AP1B1: variants seen among roughly 807,000 people sequenced by gnomAD.
The protein encoded by AP1B1 is AP-1 complex subunit beta-1.
In AP1B1, 36 loss-of-function variants were observed where a neutral mutation model predicts 104.3. The ratio of observed to expected loss-of-function variants is 0.35; its 90% CI spans 0.26 to 0.46. The LOEUF is 0.46. AP1B1 is among the 20% of genes least tolerant of loss of function. The probability of loss-of-function intolerance (pLI) is 1.00; values close to 1 mark genes in which losing one functional copy is unlikely to be tolerated. For missense variants in AP1B1, 901 were observed against 1,247.9 expected, an observed-to-expected ratio of 0.72 and a Z score of 4.19; for synonymous variants, 504 against 517.5, an observed-to-expected ratio of 0.97 and a Z score of 0.35.
At chr22:29,333,518 T>C (rs2061592529) in intron 17 of AP1B1, among the ~76,000 whole-genome samples, 1 of 151,932 alleles carries the variant, frequency 6.6e-6, no homozygotes, top group Non-Finnish European at 1.5e-5. Flanking sequence ...GAGCAGGGCG[T>C]TTCTGTCTGT....
rs185310273 is a variant in AP1B1 at position 29,363,723 on chromosome 22, G to A, written c.38-617C>T. Reference sequence around the variant, plus strand: ...AGCCTGGGTAACATAGTGAGACCTCGTTTCTACAAAATAATTTTTTTTAAT... The same window carrying A: ...AGCCTGGGTAACATAGTGAGACCTCATTTCTACAAAATAATTTTTTTTAAT... On this transcript the variant is annotated intron_variant, in intron 2 of 22. Coordinates refer to ENST00000357586, the MANE Select transcript of AP1B1 (RefSeq NM_001127.4). Among the ~76,000 whole-genome samples, 70 of 151,858 alleles carry A rather than the reference G, an allele frequency of 4.6e-4. 2 individuals are homozygous for A. The highest frequency in any genetic ancestry group is 4.3e-3 in the Admixed American group (66 of 15,236).
rs2061929382 is a variant in AP1B1, at chr22:29,354,738, G to A, written c.850C>T (p.Leu284=). The A allele has an allele frequency of 1.2e-6, 2 of 1,614,128 alleles. No individual in the cohort carries two copies. The highest frequency in any genetic ancestry group is 2.2e-5 in the East Asian group (1 of 44,870). Residue 284 remains leucine (L), a synonymous_variant, in exon 7 of 23, where the codon CTG becomes TTG. Coordinates refer to ENST00000357586, the MANE Select transcript of AP1B1 (RefSeq NM_001127.4). ...AGCAGTGTGACCAGGGGTGGGGCCAGCTTCTTGAGCAGTGTGCCGTAGTAG... is the reference window on the plus strand; with the variant it reads ...AGCAGTGTGACCAGGGGTGGGGCCAACTTCTTGAGCAGTGTGCCGTAGTAG... ...LDYYGTLLKK[L]APPLVTLLSA...
chr22:29,357,148 C>G (rs1183923681), intron 5 of AP1B1, among the ~76,000 whole-genome samples: 13 of 151,954 alleles, frequency 8.6e-5, no homozygotes, highest in Non-Finnish European at 1.5e-5. Context: ...ACTGCAACCT[C>G]CACCTCTTGG....
In AP1B1 at chr22:29,351,823, G is replaced by A; in HGVS notation, c.941C>T (p.Pro314Leu). 6.2e-7 allele frequency: 1 copy of A among 1,614,180 alleles called. No individual in the cohort carries two copies. Among genetic ancestry groups the A allele is most frequent in the Non-Finnish European group, 8.5e-7 (1 of 1,180,028 alleles). The change falls in exon 8 of 23, where the codon CCT becomes CTT. Residue 314 changes from proline (P) to leucine (L), a missense_variant and splice_region_variant. Transcript: ENST00000357586. ...RNINLIVQKR[P>L]EILKHEMKVF... ...CTTCATCTCATGCTTCAGGATCTCA[G>A]GCCTGGTGGTGGGGCAGGATGCCCG...
At chr22:29,334,921 C>T (rs1048347511) in intron 16 of AP1B1, among the ~76,000 whole-genome samples, 2 of 152,228 alleles carry the variant, frequency 1.3e-5, no homozygotes, top group Non-Finnish European at 2.9e-5. Flanking sequence ...AAGGACAGTA[C>T]CTAAGAGGAC....
chr22:29,353,538 T>C (rs1221750205), intron 7 of AP1B1, among the ~76,000 whole-genome samples: 2 of 152,206 alleles, frequency 1.3e-5, no homozygotes, highest in Admixed American at 6.5e-5. Flanking sequence ...CACTGGCGTA[T>C]AAAGACCCAC....
chr22:29,331,259 G>T (rs994483122), intron 19 of AP1B1, among the ~76,000 whole-genome samples, 190 bp downstream of exon 19: 12 of 152,136 alleles, frequency 7.9e-5, no homozygotes, highest in African/African-American at 2.9e-4. Flanking sequence ...TGCCAGACCA[G>T]AACTGGCCAC....
At chr22:29,355,706 G>T (rs2061945740) in intron 6 of AP1B1, among the ~76,000 whole-genome samples, 1 of 151,890 alleles carries the variant, frequency 6.6e-6, no homozygotes, top group Non-Finnish European at 1.5e-5. Flanking sequence ...GACCAGTCTG[G>T]GCAACATGGA....
At chr22:29,363,612 C>T (rs935568415) in intron 2 of AP1B1, among the ~76,000 whole-genome samples, 1 of 151,480 alleles carries the variant, frequency 6.6e-6, no homozygotes, top group African/African-American at 2.4e-5. Flanking sequence ...GGCGCCACTG[C>T]ACTCCAGCCT....
rs780046671 is a variant in AP1B1, at chr22:29,351,792, G to A, written c.972C>T (p.Phe324=). 7.4e-6 allele frequency: 12 copies of A among 1,614,198 alleles called. 1 individual carries two copies. The highest frequency in any genetic ancestry group is 3.3e-4 in the Middle Eastern group (2 of 6,062). Residue 324 remains phenylalanine, a synonymous_variant, in exon 8 of 23, where the codon TTC becomes TTT. Coordinates refer to ENST00000357586, the MANE Select transcript of AP1B1 (RefSeq NM_001127.4). ...AGATAGGGTCGTTGTACTTCACGAAGAACACCTTCATCTCATGCTTCAGGA... is the reference window on the plus strand; with the variant it reads ...AGATAGGGTCGTTGTACTTCACGAAAAACACCTTCATCTCATGCTTCAGGA... ...PEILKHEMKV[F]FVKYNDPIYV...
At chr22:29,379,736 A>G (rs1277096291) in intron 1 of AP1B1, among the ~76,000 whole-genome samples, 1 of 152,230 alleles carries the variant, frequency 6.6e-6, no homozygotes, top group Non-Finnish European at 1.5e-5. Flanking sequence ...TGACGCAAAA[A>G]GACAGGTCAG....
intron 5 of AP1B1, 43 bp from the exon 6 acceptor site, chr22:29,356,659 C>T (rs1424770362): frequency 6.3e-7 from 1 of 1,583,514 alleles, no homozygotes; most frequent in Admixed American, 1.7e-5. Flanking sequence ...GGGTGCTGCT[C>T]ACAGGCCAGG....
chr22:29,335,973 C>T (rs1458676622), intron 16 of AP1B1, among the ~76,000 whole-genome samples: 1 of 152,192 alleles, frequency 6.6e-6, no homozygotes, highest in Non-Finnish European at 1.5e-5. Context: ...CCCAATCAGG[C>T]CTCCTTTCCC....
At chr22:29,366,465 C>T (rs1235353529) in intron 2 of AP1B1, among the ~76,000 whole-genome samples, 8 of 151,994 alleles carry the variant, frequency 5.3e-5, no homozygotes, top group Non-Finnish European at 1.0e-4. Context: ...GGAGAAACCC[C>T]GTCTCTACCA....
chr22:29,388,091 A>G (rs2062561023), intron 1 of AP1B1, among the ~76,000 whole-genome samples: 1 of 152,204 alleles, frequency 6.6e-6, no homozygotes, highest in Admixed American at 6.5e-5. Flanking sequence ...CAGGATGGCC[A>G]TGGAGGTGAG....
chr22:29,387,568 A>C (rs1333571906), intron 1 of AP1B1, among the ~76,000 whole-genome samples: 1 of 151,778 alleles, frequency 6.6e-6, no homozygotes, highest in Non-Finnish European at 1.5e-5. Context: ...AGCTTCCCAA[A>C]GTGCTGGGAT....
chr22:29,340,999 C>T (rs1000244921), intron 13 of AP1B1, 142 bp from the exon 14 acceptor site: 7 of 803,616 alleles, frequency 8.7e-6, no homozygotes, highest in Non-Finnish European at 1.4e-5. Flanking sequence ...CACGGCCCCA[C>T]TTCTTCCCCA....
chr22:29,378,151 G>A (rs571129609), intron 1 of AP1B1, among the ~76,000 whole-genome samples: 13 of 152,122 alleles, frequency 8.5e-5, no homozygotes, highest in South Asian at 4.1e-4. Context: ...CAGCCCAGCC[G>A]GTTTGGACAA....
Position 29,328,902 on chromosome 22 carries a change from G to A in AP1B1, c.2776-7C>T. ...CTCGACACTTCAGGGACAGCTGCAGGGGAGAGAGGGGTCGGGGGAAAGAGC... is the reference window on the plus strand; with the variant it reads ...CTCGACACTTCAGGGACAGCTGCAGAGGAGAGAGGGGTCGGGGGAAAGAGC... On this transcript the variant is annotated splice_region_variant and splice_polypyrimidine_tract_variant and intron_variant, in intron 22 of 22. Coordinates refer to ENST00000357586, the MANE Select transcript of AP1B1 (RefSeq NM_001127.4). The surrounding 1 kb of genome is among the most constrained non-coding windows in gnomAD (Gnocchi z 4.1). The A allele has an allele frequency of 1.2e-6, 2 of 1,606,584 alleles. No individual in the cohort carries two copies. Among genetic ancestry groups the A allele is most frequent in the East Asian group, 2.2e-5 (1 of 44,634 alleles).
Sources: gnomAD v4.1 joint callset for allele counts (sites outside exome capture counted in the v4.1 genomes callset) on GRCh38, gnomAD v4.1.1 for gene constraint, Gnocchi (gnomAD v3.1) non-coding constraint, MANE v1.5 for transcripts, NCBI Gene and HGNC (gene_info 2026-07-23, HGNC 2026-07-21) for gene names.